Variants in PCDHA13 observed in about 807,000 individuals in gnomAD.
The protein encoded by PCDHA13 is protocadherin alpha-13.
A neutral mutation model predicts 64.8 loss-of-function variants in PCDHA13; 54 were observed. That is an observed-to-expected ratio of 0.83 (90% CI 0.67 to 1.04). The LOEUF (loss-of-function observed/expected upper bound fraction) is 1.04. Ranked by LOEUF, PCDHA13 falls within the 50% of genes least tolerant of loss-of-function variation. The pLI, the probability that PCDHA13 is intolerant of heterozygous loss-of-function variation, is 0.00. For missense variants in PCDHA13, 1,248 were observed against 1,254.3 expected (o/e 0.99, Z 0.08); for synonymous variants, 587 against 564.4 (o/e 1.04, Z -0.57).
chr5:141,009,407 G>T (rs990895210), intron 3 of PCDHA13, among the ~76,000 whole-genome samples: 2 of 152,184 alleles, frequency 1.3e-5, no homozygotes, highest in Admixed American at 6.5e-5. Flanking sequence ...TGCAGTGACT[G>T]CATTTCAGCC....
In PCDHA13 at chr5:140,887,671, A is replaced by G. The variant is rs1417615702; in HGVS notation, c.2394+3009A>G. Among the ~76,000 whole-genome samples, 4 of 152,008 alleles carry G rather than the reference A, an allele frequency of 2.6e-5. No homozygotes were observed. In the East Asian group the frequency reaches 7.7e-4, roughly 29 times the overall value. The stretch of plus-strand genomic sequence containing the variant: ...ATATTCTTGGATCTGTGGATTTATC[A>G]TTTTCATCAAATTCAGGAAAAAATC... On this transcript the variant is annotated intron_variant, in intron 1 of 3. Transcript: ENST00000289272.
chr5:140,986,625 C>T (rs1312536887), intron 3 of PCDHA13, among the ~76,000 whole-genome samples: 2 of 152,122 alleles, frequency 1.3e-5, no homozygotes, highest in African/African-American at 4.8e-5. Flanking sequence ...TTACCTAAGG[C>T]AACAGTACAT....
At chr5:140,964,118 C>G (rs1325218833) in intron 1 of PCDHA13, among the ~76,000 whole-genome samples, 1 of 151,942 alleles carries the variant, frequency 6.6e-6, no homozygotes, top group African/African-American at 2.4e-5. Flanking sequence ...CAATCACATT[C>G]TAACAACTAG....
At chr5:140,998,199 C>A (rs1472137266) in intron 3 of PCDHA13, among the ~76,000 whole-genome samples, 2 of 152,172 alleles carry the variant, frequency 1.3e-5, no homozygotes, top group Non-Finnish European at 2.9e-5. Flanking sequence ...GTATTAACTC[C>A]TTTAATCTGT....
At chr5:140,954,787 T>C (rs2095088208) in intron 1 of PCDHA13, among the ~76,000 whole-genome samples, 1 of 152,218 alleles carries the variant, frequency 6.6e-6, no homozygotes, top group African/African-American at 2.4e-5. Flanking sequence ...TAGATCTCAT[T>C]TGTCAATTTT....
In PCDHA13 at chr5:140,884,330, G is replaced by T; in HGVS notation, c.2062G>T (p.Gly688Cys). 1.2e-6 allele frequency: 2 copies of T among 1,613,876 alleles called. No individual in the cohort carries two copies. Among genetic ancestry groups the T allele is most frequent in the Non-Finnish European group, 1.7e-6 (2 of 1,179,876 alleles). The stretch of plus-strand genomic sequence containing the variant: ...GTCGAGGGCGTCGGCAGGCGCTGTG[G>T]GTCCAGAAGCGGCGCTGGTGGATGT... Reference protein sequence around the residue: ...ASSRASAGAVGPEAALVDVNV... With the variant: ...ASSRASAGAVCPEAALVDVNV... The change falls in exon 1 of 4, where the codon GGT (glycine) becomes TGT (cysteine). Residue 688 changes from glycine (G) to cysteine (C), a missense_variant. Gly to Cys is a radical substitution (Grantham distance 159). Transcript: ENST00000289272.
chr5:140,969,011 A>G lies in PCDHA13; in HGVS notation c.2395-9938A>G, dbSNP rs1554231347. On this transcript the variant is annotated intron_variant, in intron 1 of 3. Transcript: ENST00000289272. Reference sequence around the variant, plus strand: ...ATGCTGTGGAGGCTTCTGTGGAGTAAGGGAAAGGTCCCCTGCAGAACTGTA... The same window carrying G: ...ATGCTGTGGAGGCTTCTGTGGAGTAGGGGAAAGGTCCCCTGCAGAACTGTA... The G allele has an allele frequency of 2.5e-6, 4 of 1,614,084 alleles. No individual in the cohort carries two copies. In the South Asian group the frequency reaches 4.4e-5, roughly 18 times the overall value.
chr5:140,928,043 C>T, intron 1 of PCDHA13: 1 of 1,614,192 alleles, frequency 6.2e-7, no homozygotes, highest in Non-Finnish European at 8.5e-7. Context: ...AGTGCAGGCC[C>T]TTTTCAGCTG....
chr5:140,887,385 C>T (rs1015937560), intron 1 of PCDHA13, among the ~76,000 whole-genome samples: 3 of 152,124 alleles, frequency 2.0e-5, no homozygotes, highest in Admixed American at 6.5e-5. Context: ...TGTGAGCCAC[C>T]GCGCCCGGCT....
rs2059393576 is a variant in PCDHA13 at position 140,882,984 on chromosome 5, C to T, written c.716C>T (p.Ala239Val). Residue 239 changes from alanine to valine, a missense_variant, in exon 1 of 4, where the codon GCC becomes GTC. Transcript: ENST00000289272. ...ACGATTCTGGACGTGAATGACAACGCCCCGGAATTTTACCAATCCGTTTAT... is the reference window on the plus strand; with the variant it reads ...ACGATTCTGGACGTGAATGACAACGTCCCGGAATTTTACCAATCCGTTTAT... The part of the protein sequence containing the change: ...LITILDVNDN[A>V]PEFYQSVYKV... The T allele has an allele frequency of 2.5e-6, 4 of 1,614,178 alleles. No individual in the cohort carries two copies. The highest frequency in any genetic ancestry group is 2.5e-6 in the Non-Finnish European group (3 of 1,180,040).
At chr5:140,986,019 G>A (rs562523452) in intron 3 of PCDHA13, among the ~76,000 whole-genome samples, 66 of 152,154 alleles carry the variant, frequency 4.3e-4, no homozygotes, top group Middle Eastern at 3.4e-3. Flanking sequence ...GATTACAGGC[G>A]TGAGCCACTG....
intron 1 of PCDHA13, among the ~76,000 whole-genome samples, chr5:140,933,650 CCTGTCTCTCTCT>C (rs1218539002): frequency 2.6e-5 from 4 of 151,890 alleles, no homozygotes; most frequent in South Asian, 2.1e-4. Context: ...AGTTGGAAAT[CCTGTCTCTCTCT>C]CTGTCTCTCT....
intron 1 of PCDHA13, chr5:140,929,284 A>G: frequency 6.2e-7 from 1 of 1,600,764 alleles, no homozygotes; most frequent in Non-Finnish European, 8.5e-7. Flanking sequence ...CTGTATTCAG[A>G]TTCGGAATAG....
chr5:140,966,957 C>T lies in PCDHA13; in HGVS notation c.2395-11992C>T, dbSNP rs868948639. 4 of 1,602,884 alleles carry T rather than the reference C, an allele frequency of 2.5e-6. No individual in the cohort carries two copies. The African/African-American group carries it at 4.0e-5, about 16-fold the overall frequency. ...GCGCTCGTGGGCAACGTGGCTCGCG[C>T]GCTGGGGCTTGAGCTGCGGCGCTTG... On this transcript the variant is annotated intron_variant, in intron 1 of 3. Transcript: ENST00000289272.
At chr5:140,949,144 T>C (rs2094347159) in intron 1 of PCDHA13, among the ~76,000 whole-genome samples, 1 of 151,806 alleles carries the variant, frequency 6.6e-6, no homozygotes, top group Non-Finnish European at 1.5e-5. Context: ...TTGTTGCTTT[T>C]GATTTCTAAT....
chr5:141,001,811 C>A (rs1200900455), intron 3 of PCDHA13, among the ~76,000 whole-genome samples: 1 of 152,128 alleles, frequency 6.6e-6, no homozygotes, highest in Non-Finnish European at 1.5e-5. Flanking sequence ...ATTCTACAAT[C>A]GGCCAAATTC....
Position 140,909,713 on chromosome 5 carries a change from C to G in PCDHA13, c.2394+25051C>G, listed in dbSNP as rs6870083. 8.9e-3 allele frequency among the ~76,000 whole-genome samples: 1,356 copies of G among 152,266 alleles called. 15 individuals carry two copies. The highest frequency in any genetic ancestry group is 0.032 in the African/African-American group (1,312 of 41,548). ...GGGTTCTGCTAGCTGCTAAGTATAC[C>G]TATGCCAATTATGCATTCTGGCACT... is the stretch of plus-strand genomic sequence containing the variant. On this transcript the variant is annotated intron_variant, in intron 1 of 3. Transcript: ENST00000289272.
Position 140,916,518 on chromosome 5 carries a change from T to A in PCDHA13, c.2394+31856T>A, listed in dbSNP as rs187386381. Among the ~76,000 whole-genome samples the A allele has an allele frequency of 2.6e-5, 4 of 152,306 alleles. No homozygotes were observed. The East Asian group carries it at 7.7e-4, about 29-fold the overall frequency. ...AGCAGGTGATTAATCTTGCCAAGACTGGGTCCTTCCCACCAAGGCAATGGG... is the reference window on the plus strand; with the variant it reads ...AGCAGGTGATTAATCTTGCCAAGACAGGGTCCTTCCCACCAAGGCAATGGG... On this transcript the variant is annotated intron_variant, in intron 1 of 3. Coordinates refer to ENST00000289272, the MANE Select transcript of PCDHA13 (RefSeq NM_018904.3).
chr5:140,990,977 G>T (rs1554251868), intron 3 of PCDHA13, among the ~76,000 whole-genome samples: 1 of 152,156 alleles, frequency 6.6e-6, no homozygotes, highest in African/African-American at 2.4e-5. Context: ...CAAGAGAAAG[G>T]AAGACAATAG....
Sources: allele counts gnomAD v4.1 joint callset (sites outside exome capture counted in the v4.1 genomes callset), GRCh38; gene constraint gnomAD v4.1.1; transcripts MANE v1.5; gene names NCBI Gene and HGNC (gene_info 2026-07-23, HGNC 2026-07-21).